Variants in FARP2 observed in about 807,000 individuals in gnomAD.
FARP2 encodes the protein FERM, ARHGEF and pleckstrin domain-containing protein 2.
FARP2 carries 111 observed loss-of-function variants against 130.5 expected under a neutral mutation model. That is an observed-to-expected ratio of 0.85 (90% CI 0.73 to 1.00). The LOEUF (loss-of-function observed/expected upper bound fraction) is 1.00, where lower values mean the gene tolerates loss of function less well. FARP2 is among the 50% of genes least tolerant of loss of function. The pLI is 0.00. For synonymous variants in FARP2, 504 were observed against 516.9 expected (o/e 0.98, Z 0.34); for missense variants, 1,385 against 1,346.3 (o/e 1.03, Z -0.45).
At chr2:241,364,787 T>G (rs2061267091) in intron 1 of FARP2, among the ~76,000 whole-genome samples, 1 of 152,242 alleles carries the variant, frequency 6.6e-6, no homozygotes. Context: ...TTTTCATTTT[T>G]TCTTGACAAC....
chr2:241,403,492 G>A (rs1454690869), intron 2 of FARP2, among the ~76,000 whole-genome samples: 1 of 152,142 alleles, frequency 6.6e-6, no homozygotes, highest in Non-Finnish European at 1.5e-5. Flanking sequence ...TATTATAGGC[G>A]TGAGCCACCG....
At chr2:241,420,373 A>G (rs1259020073) in intron 8 of FARP2, among the ~76,000 whole-genome samples, 3 of 152,200 alleles carry the variant, frequency 2.0e-5, no homozygotes, top group East Asian at 3.9e-4. Flanking sequence ...ATTCCACACT[A>G]TTAAATGAAC....
chr2:241,450,376 A>G (rs539076141), intron 13 of FARP2, among the ~76,000 whole-genome samples: 1 of 151,752 alleles, frequency 6.6e-6, no homozygotes, highest in South Asian at 2.1e-4. Context: ...CAAAAAAACA[A>G]AACAAAAAAG....
At chr2:241,464,797 T>G (rs1324625994) in intron 17 of FARP2, among the ~76,000 whole-genome samples, 2 of 151,734 alleles carry the variant, frequency 1.3e-5, no homozygotes, top group African/African-American at 4.8e-5. Flanking sequence ...AACTCTATCT[T>G]CCTCAAACAG....
At chr2:241,414,235 A>T (rs1011537514) in intron 7 of FARP2, among the ~76,000 whole-genome samples, 8 of 152,076 alleles carry the variant, frequency 5.3e-5, no homozygotes, top group Non-Finnish European at 1.0e-4. Context: ...TCTGGATGGA[A>T]GTGATAGAGA....
intron 8 of FARP2, among the ~76,000 whole-genome samples, chr2:241,427,311 ATG>A (rs2150388893): frequency 6.6e-6 from 1 of 152,276 alleles, no homozygotes; most frequent in South Asian, 2.1e-4. Context: ...CAGTAAAACT[ATG>A]TGACGTTTAC....
At chr2:241,365,404 A>G (rs1009724112) in intron 1 of FARP2, among the ~76,000 whole-genome samples, 2 of 152,194 alleles carry the variant, frequency 1.3e-5, no homozygotes, top group Admixed American at 1.3e-4. Context: ...TGTACCCACA[A>G]TACCACTAAA....
At chr2:241,437,666 A>ATTTTTTTTTTTTTTTTTT (rs1243876155) in intron 12 of FARP2, among the ~76,000 whole-genome samples, 1 of 129,244 alleles carries the variant, frequency 7.7e-6, no homozygotes, top group Admixed American at 9.0e-5. Flanking sequence ...TTATTTATTT[A>ATTTTTTTTTTTTTTTTTT]TTTATTTTTT....
rs766341636 is a variant in FARP2, at chr2:241,441,290, A to T, written c.1159-14A>T. 11 of 1,553,884 alleles carry T rather than the reference A, an allele frequency of 7.1e-6. No individual in the cohort carries two copies. The highest frequency in any genetic ancestry group is 2.8e-5 in the African/African-American group (2 of 72,216). ...TTTATATCCTTTTTTTCTTTTCTTA[A>T]CTTTGGTTCCCAGAGCATCTCATTC... On this transcript the variant is annotated splice_polypyrimidine_tract_variant and intron_variant, in intron 12 of 26. Coordinates refer to ENST00000264042, the MANE Select transcript of FARP2 (RefSeq NM_014808.4).
intron 8 of FARP2, among the ~76,000 whole-genome samples, chr2:241,428,805 C>T (rs2063022700): frequency 6.6e-6 from 1 of 152,146 alleles, no homozygotes; most frequent in Non-Finnish European, 1.5e-5. Context: ...ACTCCGCCAG[C>T]CCCCAGCAAC....
intron 17 of FARP2, among the ~76,000 whole-genome samples, chr2:241,465,039 A>G (rs2150479595): frequency 6.6e-6 from 1 of 152,280 alleles, no homozygotes; most frequent in Non-Finnish European, 1.5e-5. Context: ...CTACCCCCAG[A>G]ACAGACTCCA....
chr2:241,422,066 C>T (rs2062821646), intron 8 of FARP2, among the ~76,000 whole-genome samples: 1 of 151,850 alleles, frequency 6.6e-6, no homozygotes, highest in Non-Finnish European at 1.5e-5. Flanking sequence ...ATCACTTGAA[C>T]ACGGGGAGGC....
intron 15 of FARP2, 34 bp from the exon 16 acceptor site, chr2:241,463,301 C>T (rs1482160337): frequency 2.5e-6 from 4 of 1,603,506 alleles, no homozygotes; most frequent in Non-Finnish European, 3.4e-6. Flanking sequence ...CCAACAAGAG[C>T]CACACCTCCC....
At chr2:241,434,405 T>C (rs562807805) in intron 10 of FARP2, 84 bp downstream of exon 10, 2 of 1,028,500 alleles carry the variant, frequency 1.9e-6, no homozygotes, top group Middle Eastern at 5.4e-4. Flanking sequence ...AAGAAAGAAG[T>C]GTTATAAAAT....
chr2:241,430,903 G>A (rs1362696055), intron 8 of FARP2, among the ~76,000 whole-genome samples: 1 of 152,022 alleles, frequency 6.6e-6, no homozygotes, highest in Non-Finnish European at 1.5e-5. Flanking sequence ...AGGAGGCTGA[G>A]GCAGGAGAAC....
chr2:241,491,924 G>A (rs2064928951), intron 24 of FARP2, among the ~76,000 whole-genome samples: 1 of 152,138 alleles, frequency 6.6e-6, no homozygotes, highest in South Asian at 2.1e-4. Context: ...GTGTCCTCAG[G>A]GCCTGGAGCT....
intron 2 of FARP2, among the ~76,000 whole-genome samples, chr2:241,378,296 A>T (rs2150309399): frequency 6.7e-6 from 1 of 149,886 alleles, no homozygotes; most frequent in South Asian, 2.1e-4. Flanking sequence ...TTTTTAGTAG[A>T]GACGGGGTTT....
Position 241,393,639 on chromosome 2 carries a change from C to T in FARP2, c.184-10189C>T, listed in dbSNP as rs969640197. 5.9e-5 allele frequency among the ~76,000 whole-genome samples: 9 copies of T among 152,094 alleles called. 1 individual carries two copies. Among genetic ancestry groups the T allele is most frequent in the African/African-American group, 2.2e-4 (9 of 41,474 alleles). On this transcript the variant is annotated intron_variant, in intron 2 of 26. Coordinates refer to ENST00000264042, the MANE Select transcript of FARP2 (RefSeq NM_014808.4). Reference sequence around the variant, plus strand: ...GATAGATAGAGGAGTTATAATTTGGCAAATGAACTGTAAATGAGCACATGA... The same window carrying T: ...GATAGATAGAGGAGTTATAATTTGGTAAATGAACTGTAAATGAGCACATGA...
intron 2 of FARP2, 132 bp from the exon 3 acceptor site, chr2:241,403,696 T>G (rs1440642255): frequency 2.1e-6 from 1 of 479,592 alleles, no homozygotes; most frequent in Non-Finnish European, 3.7e-6. Flanking sequence ...ATATATAGTT[T>G]ATAAATCTTA....
Sources: allele counts gnomAD v4.1 joint callset (sites outside exome capture counted in the v4.1 genomes callset), GRCh38; gene constraint gnomAD v4.1.1; transcripts MANE v1.5; gene names NCBI Gene and HGNC (gene_info 2026-07-23, HGNC 2026-07-21).